Variants in SPAG9 observed in about 807,000 individuals in gnomAD.
SPAG9 encodes the protein sperm associated antigen 9.
In SPAG9, 35 loss-of-function variants were observed where a neutral mutation model predicts 166.5. The ratio of observed to expected loss-of-function variants is 0.21; its 90% confidence interval spans 0.16 to 0.28. The LOEUF (loss-of-function observed/expected upper bound fraction) is 0.28. SPAG9 is among the 10% of genes least tolerant of loss of function. The pLI is 1.00. For missense variants in SPAG9, 1,235 were observed against 1,603.3 expected (o/e 0.77, Z 3.92); for synonymous variants, 534 against 565.5 (o/e 0.94, Z 0.79).
Position 51,089,634 on chromosome 17 carries a change from A to T in SPAG9, c.304-9930T>A, listed in dbSNP as rs1254037292. On this transcript the variant is annotated intron_variant, in intron 1 of 29. Coordinates refer to ENST00000262013, the MANE Select transcript of SPAG9 (RefSeq NM_001130528.3). The stretch of plus-strand genomic sequence containing the variant: ...TACACTTTATTTTATATATATATAT[A>T]TATATATATATATATATATATATAT... Among the ~76,000 whole-genome samples the T allele has an allele frequency of 6.9e-4, 51 of 74,144 alleles. 1 individual carries two copies. The highest frequency in any genetic ancestry group is 3.6e-3 in the African/African-American group (50 of 13,814). The allele number at this position is 74,144 out of a possible 152,430, so 48.6% of individuals were successfully genotyped here.
At chr17:51,004,127 A>C (rs903439106) in intron 12 of SPAG9, among the ~76,000 whole-genome samples, 9 of 152,232 alleles carry the variant, frequency 5.9e-5, no homozygotes, top group Non-Finnish European at 1.3e-4. Flanking sequence ...AGGAAAAATT[A>C]AACCATATAT....
intron 1 of SPAG9, among the ~76,000 whole-genome samples, chr17:51,106,102 T>TACAC (rs71149344): frequency 0.061 from 6,775 of 110,540 alleles, 270 homozygotes; most frequent in South Asian, 0.072. Flanking sequence ...CCCCCATCTC[T>TACAC]ACACACACAC....
At chr17:51,111,089 C>T (rs1255051038) in intron 1 of SPAG9, among the ~76,000 whole-genome samples, 1 of 151,094 alleles carries the variant, frequency 6.6e-6, no homozygotes, top group African/African-American at 2.4e-5. Context: ...GCACTCCAGC[C>T]AGGGTGACAG....
chr17:51,019,103 C>T (rs1419541185), intron 8 of SPAG9, among the ~76,000 whole-genome samples: 2 of 152,140 alleles, frequency 1.3e-5, no homozygotes, highest in African/African-American at 4.8e-5. Context: ...GCTCACTTGT[C>T]CTTCTTCTAT....
chr17:50,995,705 A>G, intron 16 of SPAG9, 172 bp from the exon 17 acceptor site: 2 of 583,828 alleles, frequency 3.4e-6, no homozygotes, highest in South Asian at 4.2e-5. Flanking sequence ...TCTACTGCCC[A>G]GGCTAGAGTG....
intron 8 of SPAG9, among the ~76,000 whole-genome samples, chr17:51,019,185 C>T (rs901430015): frequency 2.0e-5 from 3 of 152,222 alleles, no homozygotes; most frequent in African/African-American, 7.2e-5. Flanking sequence ...AAGAGCAGCC[C>T]TCACCAGACA....
chr17:50,989,918 C>A, intron 20 of SPAG9, 46 bp from the exon 21 acceptor site: 1 of 1,518,342 alleles, frequency 6.6e-7, no homozygotes, highest in Non-Finnish European at 9.1e-7. Context: ...CTTTTCTCCT[C>A]CAATTATTTC....
intron 5 of SPAG9, among the ~76,000 whole-genome samples, chr17:51,037,720 GTA>G (rs58665547): frequency 0.018 from 2,320 of 130,492 alleles, 95 homozygotes; most frequent in African/African-American, 0.061. Context: ...GTGTGTGTGT[GTA>G]TAAACATTTT....
chr17:51,039,503 T>C (rs2046747440), intron 5 of SPAG9, among the ~76,000 whole-genome samples: 1 of 152,186 alleles, frequency 6.6e-6, no homozygotes, highest in Non-Finnish European at 1.5e-5. Flanking sequence ...TCCTTATTCA[T>C]TGAGTCTTTA....
chr17:51,063,901 A>G (rs1598111969), intron 2 of SPAG9, among the ~76,000 whole-genome samples: 1 of 149,238 alleles, frequency 6.7e-6, no homozygotes, highest in East Asian at 2.0e-4. Context: ...TAAATAAATA[A>G]GTAAGTAAGT....
chr17:51,037,383 G>A (rs1003117258), intron 5 of SPAG9, among the ~76,000 whole-genome samples: 1 of 151,940 alleles, frequency 6.6e-6, no homozygotes, highest in Admixed American at 6.6e-5. Flanking sequence ...CAGGACTTTG[G>A]GAGGCTGAGG....
rs1365192065 is a variant in SPAG9 at position 51,037,683 on chromosome 17, A to AGTGTGTGTGTG, written c.741+3817_741+3818insCACACACACAC. 7.7e-4 allele frequency among the ~76,000 whole-genome samples: 78 copies of AGTGTGTGTGTG among 101,888 alleles called. 1 individual carries two copies. Among genetic ancestry groups the AGTGTGTGTGTG allele is most frequent in the Non-Finnish European group, 1.3e-3 (59 of 44,862 alleles). 66.8% of individuals were successfully genotyped at this position (101,888 alleles called of 152,430 possible). A position where few individuals can be genotyped will look rare whatever the true frequency, so the allele number is the denominator to read the frequency against. ...ATGTGTTTTATATATATATATATAT[A>AGTGTGTGTGTG]TAGTGTGTGTGTGTGTGTGTGTGTG... On this transcript the variant is annotated intron_variant, in intron 5 of 29. Coordinates refer to ENST00000262013, the MANE Select transcript of SPAG9 (RefSeq NM_001130528.3).
intron 13 of SPAG9, among the ~76,000 whole-genome samples, chr17:51,000,159 A>C (rs1281204520): frequency 6.6e-6 from 1 of 152,196 alleles, no homozygotes; most frequent in East Asian, 1.9e-4. Context: ...ATTTTTCACA[A>C]GACTAAAACT....
At chr17:50,977,943 C>T (rs1974314652) in intron 26 of SPAG9, among the ~76,000 whole-genome samples, 1 of 152,150 alleles carries the variant, frequency 6.6e-6, no homozygotes, top group African/African-American at 2.4e-5. Flanking sequence ...TGAAAAAGTT[C>T]TGGTTTCCCT....
chr17:51,104,550 C>A (rs1399142120), intron 1 of SPAG9, among the ~76,000 whole-genome samples: 1 of 151,742 alleles, frequency 6.6e-6, no homozygotes. Context: ...ACAGGAGAAT[C>A]GCTTGAACCC....
intron 29 of SPAG9, among the ~76,000 whole-genome samples, chr17:50,970,472 C>A (rs887701628): frequency 8.3e-5 from 12 of 144,320 alleles, no homozygotes; most frequent in Non-Finnish European, 1.8e-4. Flanking sequence ...GAGATCATGC[C>A]ACTGCACTCC....
chr17:51,117,287 GTTTC>G (rs2049317284), intron 1 of SPAG9, among the ~76,000 whole-genome samples: 1 of 152,130 alleles, frequency 6.6e-6, no homozygotes. Flanking sequence ...ACCCACCTAA[GTTTC>G]CACAGAGGTG....
intron 3 of SPAG9, among the ~76,000 whole-genome samples, chr17:51,054,687 C>T (rs140794082): frequency 4.5e-4 from 68 of 151,294 alleles, no homozygotes; most frequent in African/African-American, 1.6e-3. Context: ...CCACCCACCT[C>T]GGCCTCCCAA....
rs749171893 is a variant in SPAG9, at chr17:50,995,460, T to G, written c.2042A>C (p.Lys681Thr). 1.2e-6 allele frequency: 2 copies of G among 1,608,334 alleles called. No homozygotes were observed. The highest frequency in any genetic ancestry group is 1.7e-6 in the Non-Finnish European group (2 of 1,175,204). ...VPVYLRPLDE[K>T]DTSMKLWCAV... ...TGAACTTACCTTCATTGATGTATCT[T>G]TTTCATCCAGAGGTCTGAGATAGAC... is the stretch of plus-strand genomic sequence containing the variant. Residue 681 changes from lysine to threonine, a missense_variant, in exon 17 of 30, where the codon AAA becomes ACA. Coordinates refer to ENST00000262013, the MANE Select transcript of SPAG9 (RefSeq NM_001130528.3).
Sources: allele counts gnomAD v4.1 joint callset (sites outside exome capture counted in the v4.1 genomes callset), GRCh38; gene constraint gnomAD v4.1.1; transcripts MANE v1.5; gene names NCBI Gene and HGNC (gene_info 2026-07-23, HGNC 2026-07-21).